Variants in CCSER1 observed in about 807,000 individuals in gnomAD.
CCSER1 encodes coiled-coil serine rich protein 1, also known as serine-rich coiled-coil domain-containing protein 1.
A neutral mutation model predicts 82.0 loss-of-function variants in CCSER1; 41 were observed. The observed-to-expected ratio is 0.50, with a 90% CI of 0.39 to 0.65. The LOEUF is 0.65. Among genes scored for constraint, CCSER1 ranks in the 30% least tolerant of loss-of-function variants. The probability of loss-of-function intolerance (pLI) is 0.00; values close to 1 mark genes in which losing one functional copy is unlikely to be tolerated. For missense variants in CCSER1, 1,119 were observed against 1,064.2 expected (o/e 1.05, Z -0.72); for synonymous variants, 414 against 383.9 (o/e 1.08, Z -0.92).
intron 10 of CCSER1, among the ~76,000 whole-genome samples, chr4:91,452,917 C>T (rs1050048820): frequency 1.3e-5 from 2 of 152,102 alleles, no homozygotes; most frequent in East Asian, 1.9e-4. Flanking sequence ...TAACTGTTGC[C>T]GAATGGCAGT....
chr4:91,061,273 A>T (rs1199792116), intron 9 of CCSER1, among the ~76,000 whole-genome samples: 3 of 151,480 alleles, frequency 2.0e-5, no homozygotes, highest in Non-Finnish European at 4.4e-5. Context: ...ATACTTTCAA[A>T]TGCAAATTAA....
intron 8 of CCSER1, among the ~76,000 whole-genome samples, chr4:90,895,410 A>G (rs986257500): frequency 2.0e-5 from 3 of 151,952 alleles, no homozygotes; most frequent in Admixed American, 6.6e-5. Flanking sequence ...CTGTATTAAA[A>G]TTGTTTACAA....
intron 9 of CCSER1, among the ~76,000 whole-genome samples, chr4:91,032,156 T>G (rs964373297): frequency 2.6e-5 from 4 of 152,154 alleles, no homozygotes; most frequent in Admixed American, 6.6e-5. Flanking sequence ...ATAATATACT[T>G]CCATTAGTTC....
intron 10 of CCSER1, among the ~76,000 whole-genome samples, chr4:91,094,431 G>A (rs552499015): frequency 6.6e-6 from 1 of 152,246 alleles, no homozygotes; most frequent in Admixed American, 6.5e-5. Flanking sequence ...AGTGTGTAAG[G>A]GTTAGGAACT....
intron 7 of CCSER1, among the ~76,000 whole-genome samples, chr4:90,766,996 A>G (rs745716208): frequency 6.6e-6 from 1 of 152,172 alleles, no homozygotes; most frequent in Non-Finnish European, 1.5e-5. Context: ...ATGTGAATGT[A>G]CTACTGAGCA....
chr4:91,594,418 T>TAC (rs1486119783), intron 10 of CCSER1, among the ~76,000 whole-genome samples: 1 of 147,644 alleles, frequency 6.8e-6, no homozygotes, highest in Non-Finnish European at 1.5e-5. Flanking sequence ...TACACATATA[T>TAC]ATACATATAT....
chr4:90,267,954 G>A (rs1323480997), intron 1 of CCSER1, among the ~76,000 whole-genome samples: 1 of 152,120 alleles, frequency 6.6e-6, no homozygotes, highest in Non-Finnish European at 1.5e-5. Flanking sequence ...GTCAGTAGAC[G>A]CTTCCAAGGA....
chr4:90,486,800 T>C (rs578219681), intron 5 of CCSER1, among the ~76,000 whole-genome samples: 1 of 152,350 alleles, frequency 6.6e-6, no homozygotes, highest in Admixed American at 6.5e-5. Flanking sequence ...AGCACCAATC[T>C]TGAGACTGGA....
intron 1 of CCSER1, among the ~76,000 whole-genome samples, chr4:90,236,023 C>A (rs1395665896): frequency 6.6e-6 from 1 of 152,102 alleles, no homozygotes; most frequent in Non-Finnish European, 1.5e-5. Flanking sequence ...CTTACTGCAG[C>A]CTTGACCTCC....
chr4:91,186,656 C>G (rs1734568697), intron 10 of CCSER1, among the ~76,000 whole-genome samples: 1 of 152,130 alleles, frequency 6.6e-6, no homozygotes, highest in Admixed American at 6.5e-5. Context: ...CAGAGATTTA[C>G]CCACATATTT....
chr4:90,283,801 T>A (rs1729323800), intron 1 of CCSER1, among the ~76,000 whole-genome samples: 1 of 152,036 alleles, frequency 6.6e-6, no homozygotes, highest in Non-Finnish European at 1.5e-5. Flanking sequence ...GAAATGTATA[T>A]CTCTTTTCGT....
intron 5 of CCSER1, among the ~76,000 whole-genome samples, chr4:90,577,922 G>T (rs1331225348): frequency 2.6e-5 from 4 of 152,000 alleles, no homozygotes; most frequent in African/African-American, 9.7e-5. Flanking sequence ...AATAACTAAA[G>T]ATATTAATAT....
chr4:91,259,640 G>C (rs1032934913), intron 10 of CCSER1, among the ~76,000 whole-genome samples: 9 of 146,712 alleles, frequency 6.1e-5, no homozygotes, highest in Non-Finnish European at 1.0e-4. Flanking sequence ...CCCTCCCTGT[G>C]TCCATGTGTT....
At chr4:91,044,806 T>C (rs971575194) in intron 9 of CCSER1, among the ~76,000 whole-genome samples, 1 of 152,072 alleles carries the variant, frequency 6.6e-6, no homozygotes, top group Non-Finnish European at 1.5e-5. Flanking sequence ...TAATAAGTAA[T>C]CAAGAAGTCT....
At chr4:90,470,481 G>A (rs566774742) in intron 5 of CCSER1, among the ~76,000 whole-genome samples, 2 of 152,042 alleles carry the variant, frequency 1.3e-5, no homozygotes, top group East Asian at 3.9e-4. Flanking sequence ...ACTGGTTTCA[G>A]AAAAAAAGAA....
intron 9 of CCSER1, among the ~76,000 whole-genome samples, chr4:91,054,472 CT>C (rs1743269312): frequency 6.6e-6 from 1 of 151,848 alleles, no homozygotes; most frequent in South Asian, 2.1e-4. Flanking sequence ...CCTTCTTTGT[CT>C]TTTTTAATCT....
chr4:90,386,709 C>T (rs1578215919), intron 3 of CCSER1, among the ~76,000 whole-genome samples: 1 of 152,170 alleles, frequency 6.6e-6, no homozygotes, highest in Non-Finnish European at 1.5e-5. Flanking sequence ...AAAAGGACAA[C>T]CTACAGAATG....
At chr4:90,956,845 C>T (rs1733490048) in intron 9 of CCSER1, among the ~76,000 whole-genome samples, 1 of 148,330 alleles carries the variant, frequency 6.7e-6, no homozygotes, top group Admixed American at 6.8e-5. Flanking sequence ...GATCACAGTT[C>T]ACTGAAGCTT....
intron 6 of CCSER1, among the ~76,000 whole-genome samples, chr4:90,717,845 T>A (rs1451948435): frequency 6.6e-6 from 1 of 151,618 alleles, no homozygotes; most frequent in Non-Finnish European, 1.5e-5. Context: ...TTAGGTATTC[T>A]GTATTCCCTT....
Sources: allele counts gnomAD v4.1 joint callset (sites outside exome capture counted in the v4.1 genomes callset), GRCh38; gene constraint gnomAD v4.1.1; transcripts MANE v1.5; gene names NCBI Gene and HGNC (gene_info 2026-07-23, HGNC 2026-07-21).